Variants in CALN1 observed in about 807,000 individuals in gnomAD.
The protein encoded by CALN1 is calcium-binding protein 8.
A neutral mutation model predicts 30.6 loss-of-function variants in CALN1; 17 were observed. The observed-to-expected ratio is 0.56, with a 90% confidence interval of 0.38 to 0.83. CALN1 has a LOEUF of 0.83. Ranked by LOEUF, CALN1 falls within the 40% of genes least tolerant of loss-of-function variation. The pLI, the probability that CALN1 is intolerant of heterozygous loss-of-function variation, is 0.00. For missense variants in CALN1, 291 were observed against 354.9 expected (o/e 0.82, Z 1.45); for synonymous variants, 156 against 131.4 (o/e 1.19, Z -1.28).
At chr7:72,312,643 CAGA>C (rs781562149) in intron 2 of CALN1, among the ~76,000 whole-genome samples, 1 of 151,820 alleles carries the variant, frequency 6.6e-6, no homozygotes, top group East Asian at 1.9e-4. Context: ...TCAGAAAATT[CAGA>C]AAGGACAAGT....
At chr7:71,871,263 T>TA (rs1170686043) in intron 5 of CALN1, among the ~76,000 whole-genome samples, 10 of 152,246 alleles carry the variant, frequency 6.6e-5, no homozygotes, top group South Asian at 2.1e-4. Context: ...AAAAGAGCTT[T>TA]AAAAAAAACC....
chr7:72,292,988 T>C (rs1055689491), intron 2 of CALN1, among the ~76,000 whole-genome samples: 1 of 151,980 alleles, frequency 6.6e-6, no homozygotes, highest in Non-Finnish European at 1.5e-5. Flanking sequence ...CACCAGAGCT[T>C]TCTGGGGGGC....
chr7:72,292,770 G>A lies in CALN1; in HGVS notation c.120-13960C>T, dbSNP rs147402685. ...TGGGAGGTGAAGGTTACAGTGAGCC[G>A]AGATCGCGCCACTGCACTCCAGCTT... On this transcript the variant is annotated intron_variant, in intron 2 of 6. Coordinates refer to ENST00000395275, the MANE Select transcript of CALN1 (RefSeq NM_031468.4). Among the ~76,000 whole-genome samples the A allele has an allele frequency of 2.9e-3, 390 of 136,748 alleles. 6 individuals carry two copies. Among genetic ancestry groups the A allele is most frequent in the African/African-American group, 0.01 (367 of 35,360 alleles). 89.7% of individuals were successfully genotyped at this position (136,748 alleles called of 152,430 possible). A position where few individuals can be genotyped will look rare whatever the true frequency, so the allele number is the denominator to read the frequency against.
chr7:72,501,924 A>ATATATATATATATATATAT, the CALN1 span, among the ~76,000 whole-genome samples: 2 of 84,232 alleles, frequency 2.4e-5, no homozygotes, highest in African/African-American at 1.4e-4. Context: ...AAAAAAAAAA[A>ATATATATATATATATATAT]AAAAATATAT....
rs1807143821 is a variant in CALN1 at position 72,106,683 on chromosome 7, AGAAAGCAAG to A, written c.245-398_245-390del. On this transcript the variant is annotated intron_variant, in intron 3 of 6. Transcript: ENST00000395275. ...GAAGGAGGGAGGGAGAAAGGAAGGAAGAAAGCAAGGGAGGGAGGAAGGGAGGGAGGGAGG... is the reference window on the plus strand; with the variant it reads ...GAAGGAGGGAGGGAGAAAGGAAGGAAGGAGGGAGGAAGGGAGGGAGGGAGG... Among the ~76,000 whole-genome samples, 2 of 97,614 alleles carry A rather than the reference AGAAAGCAAG, an allele frequency of 2.0e-5. 1 individual carries two copies. Among genetic ancestry groups the A allele is most frequent in the African/African-American group, 7.9e-5 (2 of 25,384 alleles). The allele number at this position is 97,614 out of a possible 152,430, so 64.0% of individuals were successfully genotyped here.
chr7:71,891,021 A>G (rs1793212166), intron 5 of CALN1, among the ~76,000 whole-genome samples: 1 of 152,134 alleles, frequency 6.6e-6, no homozygotes, highest in Admixed American at 6.5e-5. Context: ...TGCTGGGATT[A>G]CAGATGTGAG....
At chr7:72,471,144 G>A in the CALN1 span, among the ~76,000 whole-genome samples, 1 of 152,100 alleles carries the variant, frequency 6.6e-6, no homozygotes, top group African/African-American at 2.4e-5. Context: ...TGCAGAGATG[G>A]GGTCTTGCTA....
At chr7:71,994,603 G>C (rs543858576) in intron 5 of CALN1, among the ~76,000 whole-genome samples, 19 of 151,612 alleles carry the variant, frequency 1.3e-4, no homozygotes, top group Non-Finnish European at 2.4e-4. Context: ...CTCATGCTAA[G>C]GAAATTAAGG....
intron 1 of CALN1, among the ~76,000 whole-genome samples, chr7:72,437,582 C>T (rs941629418): frequency 3.3e-5 from 5 of 151,156 alleles, no homozygotes; most frequent in African/African-American, 1.2e-4. Context: ...TAGGTCTTTG[C>T]TTGCTTTAAC....
chr7:72,050,674 G>C (rs1802777422), intron 4 of CALN1, among the ~76,000 whole-genome samples: 1 of 152,128 alleles, frequency 6.6e-6, no homozygotes, highest in Non-Finnish European at 1.5e-5. Flanking sequence ...AATCAAACTT[G>C]TTTTCAGATG....
At chr7:72,415,449 G>T (rs11505289), upstream of CALN1, among the ~76,000 whole-genome samples, 757 of 152,356 alleles carry the variant, frequency 5.0e-3, 3 homozygotes, top group African/African-American at 0.017. Context: ...GTTGCTATGA[G>T]TGAGTATGGC....
chr7:71,948,350 C>T (rs914608334), intron 5 of CALN1, among the ~76,000 whole-genome samples: 7 of 152,244 alleles, frequency 4.6e-5, no homozygotes, highest in African/African-American at 1.7e-4. Flanking sequence ...TCCAAATGCT[C>T]AGTTTCTCTA....
At chr7:72,210,098 TGAA>T (rs555730227) in intron 3 of CALN1, among the ~76,000 whole-genome samples, 7 of 152,280 alleles carry the variant, frequency 4.6e-5, no homozygotes, top group East Asian at 1.9e-4. Flanking sequence ...TTTTGTCCTA[TGAA>T]GAAGGACAAC....
At chr7:72,331,360 GAAAA>G (rs1251459522) in intron 2 of CALN1, among the ~76,000 whole-genome samples, 2 of 151,778 alleles carry the variant, frequency 1.3e-5, no homozygotes, top group Non-Finnish European at 2.9e-5. Flanking sequence ...AAAAAAGAAA[GAAAA>G]AAAAGAAAAA....
intron 3 of CALN1, among the ~76,000 whole-genome samples, chr7:72,144,449 T>C (rs528081364): frequency 9.2e-5 from 14 of 152,270 alleles, no homozygotes; most frequent in Non-Finnish European, 1.8e-4. Context: ...ATGCACCCAA[T>C]ACAGGAGCAC....
Position 72,299,721 on chromosome 7 carries a change from A to G in CALN1, c.120-20911T>C, listed in dbSNP as rs78692296. On this transcript the variant is annotated intron_variant, in intron 2 of 6. Transcript: ENST00000395275. Reference sequence around the variant, plus strand: ...TTTTTTTTTTTTTTTAAAAAGAGAGACTGAGGTCCTGCTGTGTTGCCCAGA... The same window carrying G: ...TTTTTTTTTTTTTTTAAAAAGAGAGGCTGAGGTCCTGCTGTGTTGCCCAGA... Among the ~76,000 whole-genome samples, 1,676 of 140,740 alleles carry G rather than the reference A, an allele frequency of 0.012. 70 individuals carry two copies. The East Asian group carries it at 0.14, about 12-fold the overall frequency. The allele number at this position is 140,740 out of a possible 152,430, so 92.3% of individuals were successfully genotyped here. A position where few individuals can be genotyped will look rare whatever the true frequency, so the allele number is the denominator to read the frequency against.
intron 2 of CALN1, among the ~76,000 whole-genome samples, chr7:72,288,103 G>T (rs541721908): frequency 6.6e-6 from 1 of 152,074 alleles, no homozygotes; most frequent in Non-Finnish European, 1.5e-5. Context: ...CTGGCTCAAG[G>T]AGTCTCCTCT....
At chr7:72,156,567 C>A (rs749748063) in intron 3 of CALN1, among the ~76,000 whole-genome samples, 17 of 152,194 alleles carry the variant, frequency 1.1e-4, no homozygotes, top group Non-Finnish European at 2.1e-4. Flanking sequence ...ACAGAGCCAT[C>A]CCTTGGGGAA....
chr7:72,438,419 G>C (rs1379540679), intron 1 of CALN1, among the ~76,000 whole-genome samples: 2 of 152,160 alleles, frequency 1.3e-5, no homozygotes, highest in Admixed American at 6.5e-5. Context: ...ACGGCACCCA[G>C]CCTTGCCTGT....
Sources: allele counts gnomAD v4.1 joint callset (sites outside exome capture counted in the v4.1 genomes callset), GRCh38; gene constraint gnomAD v4.1.1; transcripts MANE v1.5; gene names NCBI Gene and HGNC (gene_info 2026-07-23, HGNC 2026-07-21).